The following TAFA5 variants were observed in gnomAD, a reference collection of about 807,000 sequenced individuals.
TAFA5 encodes the protein TAFA chemokine like family member 5.
A neutral mutation model predicts 15.3 loss-of-function variants in TAFA5; 6 were observed. The observed-to-expected ratio is 0.39, with a 90% CI of 0.21 to 0.77. TAFA5 has a LOEUF of 0.77. Among genes scored for constraint, TAFA5 ranks in the 30% least tolerant of loss-of-function variants. The pLI is 0.41. For synonymous variants in TAFA5, 103 were observed against 80.7 expected (o/e 1.28, Z -1.48); for missense variants, 161 against 193.1 (o/e 0.83, Z 0.98).
At chr22:48,540,875 T>TAA (rs34844674) in intron 1 of TAFA5, among the ~76,000 whole-genome samples, 34,901 of 129,598 alleles carry the variant, frequency 0.27, 5,701 homozygotes, top group East Asian at 0.63. Flanking sequence ...TCATTGACAG[T>TAA]AAAAAAAAAA....
At chr22:48,623,241 G>A (rs5771874) in intron 1 of TAFA5, among the ~76,000 whole-genome samples, 14,902 of 141,432 alleles carry the variant, frequency 0.11, 831 homozygotes, top group East Asian at 0.4. Flanking sequence ...GGGACGGGAC[G>A]TGCCGCGTGG....
intron 2 of TAFA5, among the ~76,000 whole-genome samples, chr22:48,698,331 C>T (rs1358333035): frequency 6.6e-6 from 1 of 150,908 alleles, no homozygotes; most frequent in African/African-American, 2.4e-5. Context: ...CAAAAATTAG[C>T]TGGGTGTGGT....
intron 2 of TAFA5, among the ~76,000 whole-genome samples, chr22:48,694,638 G>T (rs1928644605): frequency 6.6e-6 from 1 of 151,994 alleles, no homozygotes; most frequent in Admixed American, 6.6e-5. Flanking sequence ...TGGGTATCTG[G>T]TACTGCTCCC....
chr22:48,657,862 G>T (rs959518089), intron 2 of TAFA5, among the ~76,000 whole-genome samples: 8 of 151,994 alleles, frequency 5.3e-5, no homozygotes, highest in African/African-American at 1.5e-4. Flanking sequence ...AGCAGAGAGG[G>T]AAGGATGGGG....
intron 1 of TAFA5, chr22:48,544,713 C>A: frequency 2.1e-6 from 1 of 471,324 alleles, no homozygotes; most frequent in Admixed American, 2.3e-5. Context: ...GATGAGGGTG[C>A]ATGTTGGTCT....
intron 1 of TAFA5, among the ~76,000 whole-genome samples, chr22:48,600,392 C>T (rs1428858531): frequency 6.6e-6 from 1 of 152,178 alleles, no homozygotes; most frequent in Non-Finnish European, 1.5e-5. Flanking sequence ...AGAGTGGAGG[C>T]CTCGCACCAG....
intron 1 of TAFA5, among the ~76,000 whole-genome samples, chr22:48,589,156 C>A (rs1761987004): frequency 6.7e-6 from 1 of 148,806 alleles, no homozygotes; most frequent in African/African-American, 2.6e-5. Flanking sequence ...GCCTTGGGGA[C>A]AACCTTGATA....
chr22:48,605,038 G>T (rs201354479), intron 1 of TAFA5, among the ~76,000 whole-genome samples: 1 of 150,898 alleles, frequency 6.6e-6, no homozygotes, highest in East Asian at 2.0e-4. Flanking sequence ...GATGATGATC[G>T]TGGTGATAAT....
intron 1 of TAFA5, among the ~76,000 whole-genome samples, chr22:48,536,981 G>C (rs967309243): frequency 2.6e-5 from 4 of 152,198 alleles, no homozygotes; most frequent in African/African-American, 9.6e-5. Flanking sequence ...CTGGGACGGG[G>C]GCTCCCTCTG....
At chr22:48,548,347 C>T (rs913316119) in intron 1 of TAFA5, among the ~76,000 whole-genome samples, 19 of 152,224 alleles carry the variant, frequency 1.2e-4, no homozygotes, top group Non-Finnish European at 2.5e-4. Context: ...CTCGCCCCGC[C>T]GACTGTGGAG....
At chr22:48,513,290 C>T (rs1569164118) in intron 1 of TAFA5, among the ~76,000 whole-genome samples, 1 of 152,234 alleles carries the variant, frequency 6.6e-6, no homozygotes, top group Non-Finnish European at 1.5e-5. Flanking sequence ...TTGCTTCCTT[C>T]GACTGTGTTT....
intron 1 of TAFA5, among the ~76,000 whole-genome samples, chr22:48,497,914 A>C (rs1435025150): frequency 4.0e-5 from 3 of 74,776 alleles, no homozygotes; most frequent in African/African-American, 1.7e-4. Context: ...GGCGGGGCTG[A>C]AGGGTGGGGT....
At chr22:48,704,082 G>A (rs186409635) in intron 2 of TAFA5, among the ~76,000 whole-genome samples, 2 of 152,226 alleles carry the variant, frequency 1.3e-5, no homozygotes, top group East Asian at 1.9e-4. Context: ...TACCTTGGGC[G>A]CCATGGTACG....
intron 1 of TAFA5, among the ~76,000 whole-genome samples, chr22:48,595,393 G>A (rs749408486): frequency 5.3e-5 from 8 of 152,258 alleles, no homozygotes; most frequent in Non-Finnish European, 7.3e-5. Context: ...TAGGGGGAGT[G>A]GAGGCAGCTG....
At chr22:48,501,787 C>T (rs1306214704) in intron 1 of TAFA5, among the ~76,000 whole-genome samples, 1 of 152,238 alleles carries the variant, frequency 6.6e-6, no homozygotes, top group Non-Finnish European at 1.5e-5. Context: ...TGTGGCCGCT[C>T]TTCTCAGCCC....
At chr22:48,690,500 C>G (rs1422790353) in intron 2 of TAFA5, among the ~76,000 whole-genome samples, 2 of 152,164 alleles carry the variant, frequency 1.3e-5, no homozygotes, top group Non-Finnish European at 2.9e-5. Context: ...AGGTGCTGGC[C>G]CTCCCACAGG....
At chr22:48,578,591 G>A (rs1923907566) in intron 1 of TAFA5, among the ~76,000 whole-genome samples, 1 of 152,194 alleles carries the variant, frequency 6.6e-6, no homozygotes, top group South Asian at 2.1e-4. Context: ...GGTGGGATGA[G>A]GATGGGGTCA....
chr22:48,576,917 C>G (rs2147142552), intron 1 of TAFA5, among the ~76,000 whole-genome samples: 2 of 152,154 alleles, frequency 1.3e-5, no homozygotes, highest in Middle Eastern at 3.4e-3. Context: ...CCCGCCCGCA[C>G]GCCGCCGGGC....
At chr22:48,534,172 G>C (rs1196847665) in intron 1 of TAFA5, among the ~76,000 whole-genome samples, 1 of 148,632 alleles carries the variant, frequency 6.7e-6, no homozygotes, top group Non-Finnish European at 1.5e-5. Context: ...GGGCCAGGCA[G>C]GTGAGGTGGG....
Sources: allele counts gnomAD v4.1 joint callset (sites outside exome capture counted in the v4.1 genomes callset), GRCh38; gene constraint gnomAD v4.1.1; transcripts MANE v1.5; gene names NCBI Gene and HGNC (gene_info 2026-07-23, HGNC 2026-07-21).